ARNT2: variants seen among roughly 807,000 people sequenced by gnomAD.
ARNT2 encodes the protein aryl hydrocarbon receptor nuclear translocator 2, also known as ARNT protein 2.
Under a neutral mutation model 91.7 loss-of-function variants are expected in ARNT2, and 36 were observed. The observed-to-expected ratio is 0.39, with a 90% confidence interval of 0.30 to 0.52. The LOEUF (loss-of-function observed/expected upper bound fraction) is 0.52. ARNT2 is among the 20% of genes least tolerant of loss of function. The pLI, the probability that ARNT2 is intolerant of heterozygous loss-of-function variation, is 0.72. For synonymous variants in ARNT2, 365 were observed against 347.1 expected, an observed-to-expected ratio of 1.05 and a Z score of -0.57; for missense variants, 775 against 939.3, an observed-to-expected ratio of 0.83 and a Z score of 2.29.
At chr15:80,490,827 A>G (rs1300289721) in intron 5 of ARNT2, among the ~76,000 whole-genome samples, 2 of 152,268 alleles carry the variant, frequency 1.3e-5, no homozygotes, top group Non-Finnish European at 2.9e-5. Flanking sequence ...TGTGGTCACC[A>G]TGCATCATGG....
At chr15:80,541,719 A>T (rs768766125) in intron 8 of ARNT2, among the ~76,000 whole-genome samples, 1 of 152,226 alleles carries the variant, frequency 6.6e-6, no homozygotes, top group African/African-American at 2.4e-5. Context: ...CTGTTAGAGG[A>T]TATTGTGCAA....
chr15:80,597,188 G>A lies in ARNT2; in HGVS notation c.*3490G>A, dbSNP rs1331302139. 1 of 518,408 alleles carries A rather than the reference G, an allele frequency of 1.9e-6. No homozygotes were observed. The highest frequency in any genetic ancestry group is 1.4e-5 in the South Asian group (1 of 71,478). 32.1% of individuals were successfully genotyped at this position (518,408 alleles called of 1,614,324 possible). A position where few individuals can be genotyped will look rare whatever the true frequency, so the allele number is the denominator to read the frequency against. ...CTAGCTTTAGCCGAGAAAGAAACCA[G>A]TCCCAGGGAATGAATGGTGGTCTCC... On this transcript the variant is annotated 3_prime_UTR_variant, in exon 19 of 19. Transcript: ENST00000303329.
chr15:80,498,419 A>T (rs542144157), intron 5 of ARNT2, among the ~76,000 whole-genome samples: 2 of 152,330 alleles, frequency 1.3e-5, no homozygotes, highest in East Asian at 3.9e-4. Flanking sequence ...AAAAACAGTG[A>T]CCATATTGTA....
At chr15:80,552,877 ACAT>A in intron 10 of ARNT2, 103 bp downstream of exon 10, 1 of 1,449,504 alleles carries the variant, frequency 6.9e-7, no homozygotes, top group Non-Finnish European at 9.4e-7. Flanking sequence ...ATGTGGAGAA[ACAT>A]CATAAAGACC....
chr15:80,584,531 G>A (rs951521297), intron 17 of ARNT2, among the ~76,000 whole-genome samples: 1 of 152,188 alleles, frequency 6.6e-6, no homozygotes, highest in Non-Finnish European at 1.5e-5. Flanking sequence ...AGTGGAGAAG[G>A]AACAGAGCAG....
At chr15:80,514,443 T>C in intron 8 of ARNT2, 38 bp downstream of exon 8, 1 of 1,576,206 alleles carries the variant, frequency 6.3e-7, no homozygotes, top group Non-Finnish European at 8.7e-7. Flanking sequence ...GGGAACTGGG[T>C]GCTGCTCATA....
In ARNT2 at chr15:80,523,636, T is replaced by A. The variant is rs150566540; in HGVS notation, c.877+9231T>A. Among the ~76,000 whole-genome samples, 662 of 152,314 alleles carry A rather than the reference T, an allele frequency of 4.3e-3. 4 individuals are homozygous for A. The highest frequency in any genetic ancestry group is 0.015 in the African/African-American group (625 of 41,570). On this transcript the variant is annotated intron_variant, in intron 8 of 18. Transcript: ENST00000303329. ...AGTGATCTTCTTCTTACCACTTTATTTGAGCTCCAGCCCCCTGATATCACA... is the reference window on the plus strand; with the variant it reads ...AGTGATCTTCTTCTTACCACTTTATATGAGCTCCAGCCCCCTGATATCACA...
intron 5 of ARNT2, among the ~76,000 whole-genome samples, chr15:80,491,363 T>A (rs187831779): frequency 2.6e-5 from 4 of 152,300 alleles, no homozygotes; most frequent in Non-Finnish European, 2.9e-5. Flanking sequence ...GGGGAACCCC[T>A]TTTTATTACC....
chr15:80,571,053 A>G (rs891857201), intron 12 of ARNT2, among the ~76,000 whole-genome samples: 3 of 152,202 alleles, frequency 2.0e-5, no homozygotes, highest in Admixed American at 6.5e-5. Context: ...ATGCCGAGTA[A>G]AAGAGTTTAG....
chr15:80,563,533 A>G (rs887050646), intron 12 of ARNT2, among the ~76,000 whole-genome samples: 4 of 152,268 alleles, frequency 2.6e-5, no homozygotes, highest in East Asian at 3.9e-4. Context: ...CCCCCTGAGC[A>G]TGGACCTCAG....
chr15:80,562,971 C>G lies in ARNT2; in HGVS notation c.1165-117C>G, dbSNP rs188727477. 6.5e-5 allele frequency: 72 copies of G among 1,100,588 alleles called. No individual in the cohort carries two copies. The East Asian group carries it at 1.7e-3, about 25-fold the overall frequency. 68.2% of individuals were successfully genotyped at this position (1,100,588 alleles called of 1,614,324 possible). A position where few individuals can be genotyped will look rare whatever the true frequency, so the allele number is the denominator to read the frequency against. On this transcript the variant is annotated intron_variant, in intron 11 of 18. Coordinates refer to ENST00000303329, the MANE Select transcript of ARNT2 (RefSeq NM_014862.4). ...CTCTTACTGTCTTTTAGCCACAATG[C>G]CCCTATTCTGAGGTCCTGCTGGCCC...
intron 8 of ARNT2, among the ~76,000 whole-genome samples, chr15:80,547,799 T>C (rs1013561268): frequency 6.6e-6 from 1 of 152,218 alleles, no homozygotes; most frequent in Non-Finnish European, 1.5e-5. Context: ...GTGCAGTTTT[T>C]TTTAATGTTG....
intron 5 of ARNT2, among the ~76,000 whole-genome samples, chr15:80,479,236 G>A (rs1896850923): frequency 6.6e-6 from 1 of 152,200 alleles, no homozygotes; most frequent in Admixed American, 6.5e-5. Flanking sequence ...AAATCAATAT[G>A]CTGTCAAAGA....
intron 13 of ARNT2, among the ~76,000 whole-genome samples, 189 bp from the exon 14 acceptor site, chr15:80,574,798 A>G (rs1898640436): frequency 6.6e-6 from 1 of 151,326 alleles, no homozygotes; most frequent in African/African-American, 2.4e-5. Context: ...CCGCCCCCTA[A>G]CCCCCTCACC....
At chr15:80,521,529 A>T (rs575526807) in intron 8 of ARNT2, among the ~76,000 whole-genome samples, 1 of 152,322 alleles carries the variant, frequency 6.6e-6, no homozygotes, top group East Asian at 1.9e-4. Context: ...AAGGTACATA[A>T]GGAGAAAGCA....
At chr15:80,505,848 C>T (rs1897264561) in intron 5 of ARNT2, among the ~76,000 whole-genome samples, 1 of 151,654 alleles carries the variant, frequency 6.6e-6, no homozygotes, top group African/African-American at 2.4e-5. Flanking sequence ...AGTGAGATGC[C>T]CAAGAGACAG....
intron 1 of ARNT2, among the ~76,000 whole-genome samples, chr15:80,430,887 C>T (rs951177592): frequency 4.6e-5 from 7 of 152,080 alleles, no homozygotes; most frequent in African/African-American, 1.7e-4. Flanking sequence ...AGTGGACTAA[C>T]CTATGATCTT....
At chr15:80,491,796 CTTTTTTTTTTTT>C (rs58958624) in intron 5 of ARNT2, among the ~76,000 whole-genome samples, 1 of 67,590 alleles carries the variant, frequency 1.5e-5, no homozygotes, top group African/African-American at 6.4e-5. Flanking sequence ...CAGGACAGGC[CTTTTTTTTTTTT>C]TTTTTTTTTT....
At chr15:80,439,313 T>G (rs999912601) in intron 1 of ARNT2, among the ~76,000 whole-genome samples, 2 of 152,200 alleles carry the variant, frequency 1.3e-5, no homozygotes, top group African/African-American at 4.8e-5. Context: ...GACCTGAGTA[T>G]CGTAAGGCCA....
Sources: gnomAD v4.1 joint callset for allele counts (sites outside exome capture counted in the v4.1 genomes callset) on GRCh38, gnomAD v4.1.1 for gene constraint, MANE v1.5 for transcripts, NCBI Gene and HGNC (gene_info 2026-07-23, HGNC 2026-07-21) for gene names.